The following MTX2 variants were observed in gnomAD, a reference collection of about 807,000 sequenced individuals.
MTX2 encodes metaxin-2.
MTX2 carries 35 observed loss-of-function variants against 42.3 expected under a neutral mutation model. The observed-to-expected ratio is 0.83, with a 90% CI of 0.63 to 1.10. MTX2 has a LOEUF of 1.10. MTX2 is among the 50% of genes least tolerant of loss of function. MTX2 has a pLI of 0.00. For synonymous variants in MTX2, 119 were observed against 100.9 expected (o/e 1.18, Z -1.08); for missense variants, 307 against 304.1 (o/e 1.01, Z -0.07).
At chr2:176,274,662 C>T (rs894189141) in intron 1 of MTX2, among the ~76,000 whole-genome samples, 14 of 152,232 alleles carry the variant, frequency 9.2e-5, no homozygotes, top group Admixed American at 6.5e-4. Flanking sequence ...AGTCAGGAGC[C>T]GGGGGAGATC....
At chr2:176,289,546 AT>A (rs1010487944) in intron 1 of MTX2, among the ~76,000 whole-genome samples, 18 of 152,070 alleles carry the variant, frequency 1.2e-4, no homozygotes, top group African/African-American at 4.3e-4. Flanking sequence ...TATTTGCTTT[AT>A]TTCTAGGTAT....
chr2:176,291,748 G>A (rs577593114), intron 1 of MTX2, among the ~76,000 whole-genome samples: 127 of 152,192 alleles, frequency 8.3e-4, no homozygotes, highest in African/African-American at 3.0e-3. Flanking sequence ...TTACACGCTC[G>A]TGAACCTGGC....
intron 3 of MTX2, among the ~76,000 whole-genome samples, chr2:176,305,986 CAT>C (rs1684133688): frequency 6.6e-6 from 1 of 152,120 alleles, no homozygotes; most frequent in South Asian, 2.1e-4. Context: ...CATAGGTACA[CAT>C]GTGCCATGTT....
At chr2:176,310,844 ATCC>A (rs1461434918) in intron 3 of MTX2, among the ~76,000 whole-genome samples, 2 of 152,140 alleles carry the variant, frequency 1.3e-5, no homozygotes, top group African/African-American at 2.4e-5. Flanking sequence ...GGGTTTGAAC[ATCC>A]TCCTTTATCT....
Position 176,332,355 on chromosome 2 carries a change from A to C in MTX2, c.620+1695A>C, listed in dbSNP as rs117414988. Among the ~76,000 whole-genome samples the C allele has an allele frequency of 3.7e-3, 557 of 151,452 alleles. 6 individuals carry two copies. The highest frequency in any genetic ancestry group is 0.036 in the East Asian group (184 of 5,174). Reference sequence around the variant, plus strand: ...AGCAGGAGTCATTACTTTGTGAGATACTATGTTGAATAGAGCTGTGGCCTA... The same window carrying C: ...AGCAGGAGTCATTACTTTGTGAGATCCTATGTTGAATAGAGCTGTGGCCTA... On this transcript the variant is annotated intron_variant, in intron 9 of 9. Transcript: ENST00000249442.
At chr2:176,296,279 T>G (rs998243094) in intron 1 of MTX2, among the ~76,000 whole-genome samples, 2 of 152,082 alleles carry the variant, frequency 1.3e-5, no homozygotes, top group African/African-American at 2.4e-5. Context: ...TGGGGTGGTG[T>G]TGGTAGGGTC....
At chr2:176,323,298 A>C (rs1164287637) in intron 3 of MTX2, 94 bp from the exon 4 acceptor site, 1 of 1,047,606 alleles carries the variant, frequency 9.5e-7, no homozygotes, top group Non-Finnish European at 1.5e-6. Context: ...TTGTAGTATG[A>C]AACTATTCAG....
rs79556049 is a variant in MTX2 at position 176,282,709 on chromosome 2, T to G, written c.40+13040T>G. Among the ~76,000 whole-genome samples, 47 of 149,854 alleles carry G rather than the reference T, an allele frequency of 3.1e-4. No individual in the cohort carries two copies. The East Asian group carries it at 3.2e-3, about 10-fold the overall frequency. On this transcript the variant is annotated intron_variant, in intron 1 of 9. Transcript: ENST00000249442. ...CTTAGTTTATCTACTTTTTTTTTTT[T>G]GTTTTTTTTTTTGAGATGGAGTCTT...
intron 8 of MTX2, among the ~76,000 whole-genome samples, chr2:176,329,999 T>A (rs1337061442): frequency 6.6e-6 from 1 of 151,104 alleles, no homozygotes; most frequent in Non-Finnish European, 1.5e-5. Flanking sequence ...TTAAGTTAAT[T>A]AATGCCCGTC....
intron 3 of MTX2, among the ~76,000 whole-genome samples, chr2:176,313,025 A>T (rs1009015134): frequency 6.6e-6 from 1 of 151,940 alleles, no homozygotes; most frequent in South Asian, 2.1e-4. Flanking sequence ...TAATTATTTT[A>T]ATTTTTCTCA....
rs767511650 is a variant in MTX2, at chr2:176,282,126, G to GTTTTTTTTGTTTTTTT, written c.40+12465_40+12466insGTTTTTTTTTTTTTTT. On this transcript the variant is annotated intron_variant, in intron 1 of 9. Coordinates refer to ENST00000249442, the MANE Select transcript of MTX2 (RefSeq NM_006554.5). ...TGATATTATTTTTAGAGTTACAGTA[G>GTTTTTTTTGTTTTTTT]TTTTTTTTTTTTTTTTTTTTTTTTT... Among the ~76,000 whole-genome samples, 164 of 26,428 alleles carry GTTTTTTTTGTTTTTTT rather than the reference G, an allele frequency of 6.2e-3. 16 individuals carry two copies. Among genetic ancestry groups the GTTTTTTTTGTTTTTTT allele is most frequent in the African/African-American group, 9.6e-3 (59 of 6,116 alleles). The allele number at this position is 26,428 out of a possible 152,430, so 17.3% of individuals were successfully genotyped here. A position where few individuals can be genotyped will look rare whatever the true frequency, so the allele number is the denominator to read the frequency against.
At chr2:176,321,257 C>T (rs1264514325) in intron 3 of MTX2, among the ~76,000 whole-genome samples, 1 of 152,120 alleles carries the variant, frequency 6.6e-6, no homozygotes. Context: ...TGAGAATCAC[C>T]ACCCTACCCT....
chr2:176,335,224 G>A (rs1021707821), intron 9 of MTX2, among the ~76,000 whole-genome samples: 2 of 151,964 alleles, frequency 1.3e-5, no homozygotes, highest in African/African-American at 4.8e-5. Context: ...AGTATTTTAG[G>A]CAGCAGGAAT....
At chr2:176,297,499 T>A (rs1683916372) in intron 2 of MTX2, among the ~76,000 whole-genome samples, 1 of 152,186 alleles carries the variant, frequency 6.6e-6, no homozygotes, top group Non-Finnish European at 1.5e-5. Context: ...CAAGCTGGTT[T>A]TATATTATTG....
intron 9 of MTX2, among the ~76,000 whole-genome samples, chr2:176,331,292 AT>A (rs1421546340): frequency 6.6e-6 from 1 of 151,184 alleles, no homozygotes; most frequent in Non-Finnish European, 1.5e-5. Context: ...TTGTTAAAAA[AT>A]TACAATTTTA....
At chr2:176,316,479 A>G (rs1444129187) in intron 3 of MTX2, among the ~76,000 whole-genome samples, 1 of 152,036 alleles carries the variant, frequency 6.6e-6, no homozygotes, top group African/African-American at 2.4e-5. Flanking sequence ...ACGGCTTACT[A>G]CAGCCTCAAC....
intron 1 of MTX2, among the ~76,000 whole-genome samples, chr2:176,272,411 T>G (rs1272017345): frequency 3.9e-5 from 6 of 152,214 alleles, no homozygotes; most frequent in Non-Finnish European, 7.3e-5. Context: ...AGGCTTAGAT[T>G]TATAATTTTC....
chr2:176,318,177 G>A (rs995616443), intron 3 of MTX2, among the ~76,000 whole-genome samples: 3 of 151,806 alleles, frequency 2.0e-5, no homozygotes, highest in Admixed American at 2.0e-4. Context: ...TTTTTTTAAA[G>A]GTTGCAGAGA....
chr2:176,281,831 TTATC>T (rs1380571793), intron 1 of MTX2, among the ~76,000 whole-genome samples: 1 of 152,108 alleles, frequency 6.6e-6, no homozygotes, highest in Non-Finnish European at 1.5e-5. Context: ...TTGTAATTAG[TTATC>T]TATGGAACTC....
Sources: gnomAD v4.1 joint callset for allele counts (sites outside exome capture counted in the v4.1 genomes callset) on GRCh38, gnomAD v4.1.1 for gene constraint, MANE v1.5 for transcripts, NCBI Gene and HGNC (gene_info 2026-07-23, HGNC 2026-07-21) for gene names.